The following PTK2 variants were observed in gnomAD, a reference collection of about 807,000 sequenced individuals.
PTK2 encodes the protein protein tyrosine kinase 2, also known as focal adhesion kinase 1.
PTK2 carries 45 observed loss-of-function variants against 150.1 expected under a neutral mutation model. The ratio of observed to expected loss-of-function variants is 0.30; its 90% CI spans 0.24 to 0.38. The LOEUF (loss-of-function observed/expected upper bound fraction) is 0.38. Among genes scored for constraint, PTK2 ranks in the 10% least tolerant of loss-of-function variants. The pLI is 1.00. For missense variants in PTK2, 919 were observed against 1,307.3 expected, an observed-to-expected ratio of 0.70 and a Z score of 4.58; for synonymous variants, 432 against 449.2, an observed-to-expected ratio of 0.96 and a Z score of 0.48.
At chr8:140,951,403 A>G (rs1446964909) in intron 1 of PTK2, among the ~76,000 whole-genome samples, 1 of 152,220 alleles carries the variant, frequency 6.6e-6, no homozygotes, top group Admixed American at 6.5e-5. Flanking sequence ...ATATCTCAGC[A>G]TTACATCATG....
chr8:140,875,201 A>C (rs909633898), intron 4 of PTK2, among the ~76,000 whole-genome samples: 4 of 152,192 alleles, frequency 2.6e-5, no homozygotes, highest in African/African-American at 9.7e-5. Context: ...CAGCAGAGTC[A>C]CACCAAGTTC....
rs139299210 is a variant in PTK2, at chr8:140,897,384, ATGTTATTT to A, written c.-32-6623_-32-6616del. Among the ~76,000 whole-genome samples the A allele has an allele frequency of 1.0e-3, 153 of 152,320 alleles. 1 individual carries two copies. The East Asian group carries it at 0.027, about 27-fold the overall frequency. On this transcript the variant is annotated intron_variant, in intron 2 of 31. Coordinates refer to ENST00000522684, the Ensembl canonical transcript of PTK2. The stretch of plus-strand genomic sequence containing the variant: ...ACTTACCAAAAGAAAAAAAAAAGGA[ATGTTATTT>A]TGTTTTACACTTTAATGTTTTATCT...
intron 1 of PTK2, among the ~76,000 whole-genome samples, chr8:140,946,327 C>CA (rs1428651800): frequency 2.0e-5 from 3 of 151,962 alleles, no homozygotes; most frequent in African/African-American, 7.3e-5. Context: ...GTTTAAAAGT[C>CA]AAAATAATTA....
intron 13 of PTK2, among the ~76,000 whole-genome samples, chr8:140,791,189 G>A (rs2100088230): frequency 6.6e-6 from 1 of 152,056 alleles, no homozygotes; most frequent in Non-Finnish European, 1.5e-5. Flanking sequence ...TGTGTTTTAA[G>A]AAATGGGGTG....
chr8:140,776,689 A>G (rs941764854), intron 14 of PTK2, among the ~76,000 whole-genome samples: 1 of 152,198 alleles, frequency 6.6e-6, no homozygotes. Context: ...TGAGTATATT[A>G]AGTCTGAAAT....
chr8:140,864,261 A>T (rs1221503441), intron 5 of PTK2, 51 bp downstream of exon 5: 1 of 1,083,388 alleles, frequency 9.2e-7, no homozygotes, highest in Non-Finnish European at 1.3e-6. Flanking sequence ...TATGCAATAA[A>T]TAGGATTCAA....
intron 1 of PTK2, chr8:140,927,257 A>G (rs1019903479): frequency 3.9e-5 from 6 of 152,244 alleles, no homozygotes; most frequent in African/African-American, 1.4e-4. Context: ...TATTTTATGG[A>G]AAATGTATAT....
At chr8:140,812,726 T>C (rs1224450321) in intron 10 of PTK2, among the ~76,000 whole-genome samples, 1 of 152,036 alleles carries the variant, frequency 6.6e-6, no homozygotes, top group Non-Finnish European at 1.5e-5. Flanking sequence ...AAACAGGGGT[T>C]ACAATCTTAA....
intron 26 of PTK2, among the ~76,000 whole-genome samples, chr8:140,688,495 C>T (rs1295468051): frequency 6.6e-6 from 1 of 151,606 alleles, no homozygotes; most frequent in Admixed American, 6.6e-5. Context: ...TGGGAGGACC[C>T]TTTGAGGCCA....
chr8:140,977,698 AAAT>A (rs999210944), intron 1 of PTK2, among the ~76,000 whole-genome samples: 4 of 152,286 alleles, frequency 2.6e-5, no homozygotes, highest in South Asian at 2.1e-4. Flanking sequence ...CTTTGCCTCA[AAAT>A]AATAATAATA....
At chr8:140,720,036 G>C (rs1294060499) in intron 22 of PTK2, among the ~76,000 whole-genome samples, 1 of 152,118 alleles carries the variant, frequency 6.6e-6, no homozygotes, top group East Asian at 1.9e-4. Context: ...AAGCGGGAGA[G>C]GACACTGTCC....
chr8:140,896,354 A>G (rs899743389), intron 2 of PTK2, among the ~76,000 whole-genome samples: 6 of 152,226 alleles, frequency 3.9e-5, no homozygotes, highest in African/African-American at 1.4e-4. Context: ...GAGAAACGAT[A>G]AAAGTCTACC....
At chr8:140,702,839 G>A (rs1033196741) in intron 24 of PTK2, 132 bp from the exon 28 acceptor site, 3 of 1,011,940 alleles carry the variant, frequency 3.0e-6, no homozygotes, top group Admixed American at 2.8e-5. Context: ...AGATACCCAT[G>A]TTCTAATCCC....
At chr8:140,735,793 G>T (rs893338440) in intron 21 of PTK2, among the ~76,000 whole-genome samples, 15 of 152,108 alleles carry the variant, frequency 9.9e-5, no homozygotes, top group African/African-American at 3.4e-4. Flanking sequence ...ATTTTAATCC[G>T]CCCCACTTTG....
At chr8:140,902,921 G>GTTGTTTTTTGTTTTTT (rs1555356000) in intron 2 of PTK2, among the ~76,000 whole-genome samples, 1 of 66,782 alleles carries the variant, frequency 1.5e-5, no homozygotes, top group African/African-American at 6.5e-5. Context: ...TCTGATGAGA[G>GTTGTTTTTTGTTTTTT]TTGTTTTTTT....
At chr8:140,707,780 T>C (rs2100034643) in intron 23 of PTK2, among the ~76,000 whole-genome samples, 1 of 152,204 alleles carries the variant, frequency 6.6e-6, no homozygotes, top group African/African-American at 2.4e-5. Context: ...GTATCATTAA[T>C]AACAAAATGG....
intron 1 of PTK2, among the ~76,000 whole-genome samples, chr8:140,980,121 A>G (rs996836522): frequency 1.1e-4 from 17 of 152,226 alleles, no homozygotes; most frequent in African/African-American, 3.6e-4. Flanking sequence ...ATGAGCAATA[A>G]GAGTGTTCAC....
intron 14 of PTK2, among the ~76,000 whole-genome samples, chr8:140,780,290 G>A (rs2100080924): frequency 6.6e-6 from 1 of 152,110 alleles, no homozygotes; most frequent in Non-Finnish European, 1.5e-5. Flanking sequence ...ATGCTCATGG[G>A]AACGTTCTCA....
chr8:140,667,111 G>A (rs766353587), intron 30 of PTK2, among the ~76,000 whole-genome samples: 1 of 152,136 alleles, frequency 6.6e-6, no homozygotes, highest in Non-Finnish European at 1.5e-5. Flanking sequence ...CCAGGGGCTG[G>A]GGGAGGGGAA....
Sources: gnomAD v4.1 joint callset for allele counts (sites outside exome capture counted in the v4.1 genomes callset) on GRCh38, gnomAD v4.1.1 for gene constraint, MANE v1.5 for transcripts, NCBI Gene and HGNC (gene_info 2026-07-23, HGNC 2026-07-21) for gene names.